Variants in PELI1 observed in about 807,000 individuals in gnomAD.
PELI1 encodes pellino E3 ubiquitin protein ligase 1.
A neutral mutation model predicts 41.3 loss-of-function variants in PELI1; 15 were observed. That is an observed-to-expected ratio of 0.36 (90% CI 0.24 to 0.56). The LOEUF (loss-of-function observed/expected upper bound fraction) is 0.56. Among genes scored for constraint, PELI1 ranks in the 20% least tolerant of loss-of-function variants. PELI1 has a pLI of 0.82. For synonymous variants in PELI1, 178 were observed against 180.1 expected (o/e 0.99, Z 0.09); for missense variants, 403 against 525.5 (o/e 0.77, Z 2.28).
At chr2:64,097,522 G>A (rs547235107) in intron 4 of PELI1, among the ~76,000 whole-genome samples, 24 of 152,268 alleles carry the variant, frequency 1.6e-4, no homozygotes, top group African/African-American at 4.8e-4. Context: ...AGAGGTACTA[G>A]CTAGTAAATA....
Position 64,140,787 on chromosome 2 carries a change from C to CAAAAAAAAAAAAAAAAAAAA in PELI1, c.-70+3293_-70+3294insTTTTTTTTTTTTTTTTTTTT, listed in dbSNP as rs377041268. 1.5e-3 allele frequency among the ~76,000 whole-genome samples: 71 copies of CAAAAAAAAAAAAAAAAAAAA among 46,318 alleles called. 18 individuals carry two copies. The highest frequency in any genetic ancestry group is 3.3e-3 in the African/African-American group (28 of 8,536). 30.4% of individuals were successfully genotyped at this position (46,318 alleles called of 152,430 possible). On this transcript the variant is annotated intron_variant, in intron 1 of 6. Transcript: ENST00000358912. ...GAAGTGATCTACTCAAGACAACATG[C>CAAAAAAAAAAAAAAAAAAAA]AAAAAAAAAAAACAAACAAACAAAA...
Position 64,096,170 on chromosome 2 carries a change from T to C in PELI1, c.645A>G (p.Val215=), listed in dbSNP as rs762212460. Residue 215 remains valine (V), a synonymous_variant, in exon 6 of 7, where the codon GTA becomes GTG. Transcript: ENST00000358912. ...IWREISVCGN[V]FSLRETRSAQ... Reference sequence around the variant, plus strand: ...CCGATCTGGTTTCACGTAGGCTAAATACATTTCCACACACCGATATTTCTC... The same window carrying C: ...CCGATCTGGTTTCACGTAGGCTAAACACATTTCCACACACCGATATTTCTC... The C allele has an allele frequency of 1.2e-5, 19 of 1,614,026 alleles. No individual in the cohort carries two copies. The highest frequency in any genetic ancestry group is 1.7e-5 in the Admixed American group (1 of 60,004).
At chr2:64,109,278 C>T (rs1680726129) in intron 1 of PELI1, among the ~76,000 whole-genome samples, 1 of 152,114 alleles carries the variant, frequency 6.6e-6, no homozygotes, top group African/African-American at 2.4e-5. Context: ...TCAATAAAAG[C>T]CAGTGGAAAC....
rs1257397818 is a variant in PELI1 at position 64,144,154 on chromosome 2, G to C, written c.-143C>G. 1 of 152,156 alleles carries C rather than the reference G, an allele frequency of 6.6e-6. No homozygotes were observed. Among genetic ancestry groups the C allele is most frequent in the Non-Finnish European group, 1.5e-5 (1 of 68,038 alleles). 9.4% of individuals were successfully genotyped at this position (152,156 alleles called of 1,614,324 possible). ...GGCGAGAGGGTGAAGTGTTGTGCGCGGGGAGCGCGAGCAGACAGCCCGCCG... is the reference window on the plus strand; with the variant it reads ...GGCGAGAGGGTGAAGTGTTGTGCGCCGGGAGCGCGAGCAGACAGCCCGCCG... On this transcript the variant is annotated 5_prime_UTR_variant, in exon 1 of 7. Transcript: ENST00000358912.
chr2:64,129,443 T>C (rs1681485532), intron 1 of PELI1, among the ~76,000 whole-genome samples: 1 of 152,212 alleles, frequency 6.6e-6, no homozygotes, highest in Non-Finnish European at 1.5e-5. Context: ...CCAGATACTG[T>C]ATTTGTTTAA....
chr2:64,093,724 T>A lies in PELI1; in HGVS notation c.*978A>T, dbSNP rs924750304. 1 of 152,658 alleles carries A rather than the reference T, an allele frequency of 6.6e-6. No homozygotes were observed. Among genetic ancestry groups the A allele is most frequent in the Non-Finnish European group, 1.5e-5 (1 of 68,040 alleles). The allele number at this position is 152,658 out of a possible 1,614,324, so 9.5% of individuals were successfully genotyped here. A position where few individuals can be genotyped will look rare whatever the true frequency, so the allele number is the denominator to read the frequency against. ...CCGAATAAGGCCAAATACAGAATAATTAATTAAGCATTTCTTTTTCCAAAA... is the reference window on the plus strand; with the variant it reads ...CCGAATAAGGCCAAATACAGAATAAATAATTAAGCATTTCTTTTTCCAAAA... On this transcript the variant is annotated 3_prime_UTR_variant, in exon 7 of 7. Transcript: ENST00000358912.
chr2:64,109,373 C>A (rs745737606), intron 1 of PELI1, among the ~76,000 whole-genome samples: 1 of 152,032 alleles, frequency 6.6e-6, no homozygotes, highest in African/African-American at 2.4e-5. Flanking sequence ...CTAGCAAGAA[C>A]AAGATTTAAA....
rs1680192684 is a variant in PELI1, at chr2:64,095,248, C to T, written c.711G>A (p.Gln237=). ...RGKMVEIETN[Q]LQDGSLIDLC... is the part of the protein sequence containing the mutation. ...GGTCAATTAACGAGCCATCTTGTAA[C>T]TGATTGGTTTCAATTTCCACCTAGA... Residue 237 remains glutamine (Q), a synonymous_variant, in exon 7 of 7, where the codon CAG becomes CAA. Transcript: ENST00000358912. 2 of 1,613,294 alleles carry T rather than the reference C, an allele frequency of 1.2e-6. No homozygotes were observed. The highest frequency in any genetic ancestry group is 1.7e-6 in the Non-Finnish European group (2 of 1,179,358).
rs775443916 is a variant in PELI1 at position 64,096,575 on chromosome 2, T to C, written c.339A>G (p.Val113=). 4 of 1,612,798 alleles carry C rather than the reference T, an allele frequency of 2.5e-6. No homozygotes were observed. Among genetic ancestry groups the C allele is most frequent in the South Asian group, 1.1e-5 (1 of 91,056 alleles). The change falls in exon 5 of 7, where the codon GTA becomes GTG. Residue 113 remains valine, a synonymous_variant. Transcript: ENST00000358912. ...GACTTCCAGGAACCGTGTCAGTTAC[T>C]ACAAAATCAATGGGGCTTTCAGTCG... The part of the protein sequence containing the change: ...GRSTESPIDF[V]VTDTVPGSQS...
At chr2:64,134,645 C>T (rs1681659144) in intron 1 of PELI1, among the ~76,000 whole-genome samples, 2 of 152,096 alleles carry the variant, frequency 1.3e-5, no homozygotes, top group South Asian at 4.1e-4. Flanking sequence ...TAAAGAATGA[C>T]AGTGAGAACA....
At chr2:64,104,507 T>G (rs1680553409) in intron 3 of PELI1, 194 bp downstream of exon 3, 1 of 797,738 alleles carries the variant, frequency 1.3e-6, no homozygotes. Context: ...TTGTCATTTT[T>G]TTTTTAAAAG....
intron 1 of PELI1, among the ~76,000 whole-genome samples, chr2:64,129,448 G>C (rs1167254926): frequency 6.6e-6 from 1 of 152,116 alleles, no homozygotes; most frequent in South Asian, 2.1e-4. Context: ...TACTGTATTT[G>C]TTTAAACTAA....
At chr2:64,106,677 C>T (rs1348340310) in intron 2 of PELI1, among the ~76,000 whole-genome samples, 1 of 152,130 alleles carries the variant, frequency 6.6e-6, no homozygotes, top group Non-Finnish European at 1.5e-5. Context: ...GAAACTAAGG[C>T]CCAGGATGGT....
chr2:64,143,835 C>G (rs1041815810), intron 1 of PELI1, among the ~76,000 whole-genome samples: 5 of 151,830 alleles, frequency 3.3e-5, no homozygotes, highest in Non-Finnish European at 5.9e-5. Flanking sequence ...GCCGCGCGCC[C>G]CGCTCCCGGG....
intron 1 of PELI1, among the ~76,000 whole-genome samples, chr2:64,109,541 G>A (rs548157631): frequency 2.0e-5 from 3 of 152,058 alleles, no homozygotes; most frequent in Non-Finnish European, 2.9e-5. Context: ...TTAGCCGGGC[G>A]TGGTGGCACA....
intron 1 of PELI1, among the ~76,000 whole-genome samples, chr2:64,109,039 A>T (rs1404570027): frequency 1.3e-5 from 2 of 152,222 alleles, no homozygotes; most frequent in Non-Finnish European, 2.9e-5. Context: ...CCAATGCCCT[A>T]TTAGGGCAAT....
rs368871090 is a variant in PELI1 at position 64,096,617 on chromosome 2, GAA to G, written c.304-9_304-8del. The G allele has an allele frequency of 9.7e-5, 127 of 1,314,244 alleles. No homozygotes were observed. The highest frequency in any genetic ancestry group is 2.7e-4 in the African/African-American group (18 of 66,758). 81.4% of individuals were successfully genotyped at this position (1,314,244 alleles called of 1,614,324 possible). ...TTTCAGTCGACCGGCCAATCTGAGG[GAA>G]AAAAAAAAATACCTATAAACCCATT... On this transcript the variant is annotated splice_polypyrimidine_tract_variant and splice_region_variant and intron_variant, in intron 4 of 6. Coordinates refer to ENST00000358912, the MANE Select transcript of PELI1 (RefSeq NM_020651.4).
rs920895380 is a variant in PELI1 at position 64,093,153 on chromosome 2, G to C, written c.*1549C>G. 6.6e-6 allele frequency: 1 copy of C among 152,550 alleles called. No homozygotes were observed. Among genetic ancestry groups the C allele is most frequent in the Non-Finnish European group, 1.5e-5 (1 of 68,016 alleles). 9.4% of individuals were successfully genotyped at this position (152,550 alleles called of 1,614,324 possible). On this transcript the variant is annotated 3_prime_UTR_variant, in exon 7 of 7. Coordinates refer to ENST00000358912, the MANE Select transcript of PELI1 (RefSeq NM_020651.4). ...TCATTTTTTAAAACAAGGAAGTTTC[G>C]ACAGTTGAAGTAAAATAAAATAATT...
In PELI1 at chr2:64,094,682, T is replaced by C; in HGVS notation, c.*20A>G. The C allele has an allele frequency of 4.4e-6, 7 of 1,574,380 alleles. No homozygotes were observed. The highest frequency in any genetic ancestry group is 6.1e-6 in the Non-Finnish European group (7 of 1,146,312). On this transcript the variant is annotated 3_prime_UTR_variant, in exon 7 of 7. Transcript: ENST00000358912. Reference sequence around the variant, plus strand: ...CTTAGCTTATAAATTTATAATGTAGTCCTGCAAGACAATGGTCTGTTAGTC... The same window carrying C: ...CTTAGCTTATAAATTTATAATGTAGCCCTGCAAGACAATGGTCTGTTAGTC...
Sources: allele counts gnomAD v4.1 joint callset (sites outside exome capture counted in the v4.1 genomes callset), GRCh38; gene constraint gnomAD v4.1.1; transcripts MANE v1.5; gene names NCBI Gene and HGNC (gene_info 2026-07-23, HGNC 2026-07-21).